The following TUFM variants were observed in gnomAD, a reference collection of about 807,000 sequenced individuals.
The protein encoded by TUFM is elongation factor Tu, mitochondrial.
Under a neutral mutation model 45.0 loss-of-function variants are expected in TUFM, and 23 were observed. That is an observed-to-expected ratio of 0.51 (90% CI 0.37 to 0.72). The LOEUF (loss-of-function observed/expected upper bound fraction) is 0.72, where lower values mean the gene tolerates loss of function less well. Among genes scored for constraint, TUFM ranks in the 30% least tolerant of loss-of-function variants. The pLI, the probability that TUFM is intolerant of heterozygous loss-of-function variation, is 0.00. For synonymous variants in TUFM, 243 were observed against 252.9 expected (o/e 0.96, Z 0.37); for missense variants, 490 against 610.7 (o/e 0.80, Z 2.08).
Position 28,842,966 on chromosome 16 carries a change from T to C in TUFM, c.*9A>G. 6.2e-7 allele frequency: 1 copy of C among 1,614,030 alleles called. No homozygotes were observed. The highest frequency in any genetic ancestry group is 1.3e-5 in the African/African-American group (1 of 75,048). On this transcript the variant is annotated 3_prime_UTR_variant, in exon 10 of 10. Coordinates refer to ENST00000313511, the MANE Select transcript of TUFM (RefSeq NM_003321.5). ...AAACGCAAGGGAAGCTGAGCAGAGA[T>C]CTGCACACTCAACCCCATTTGATAT...
In TUFM at chr16:28,846,325, G is replaced by T; in HGVS notation, c.-56C>A. On this transcript the variant is annotated 5_prime_UTR_variant, in exon 1 of 10. Transcript: ENST00000313511. ...CCAGGAGCCCGAGCGCACAGAAGAA[G>T]AAGGGCGCCTGCGGCTGGAAGGCAC... is the stretch of plus-strand genomic sequence containing the variant. The T allele has an allele frequency of 6.5e-7, 1 of 1,528,316 alleles. No individual in the cohort carries two copies. Among genetic ancestry groups the T allele is most frequent in the South Asian group, 1.2e-5 (1 of 83,350 alleles). 94.7% of individuals were successfully genotyped at this position (1,528,316 alleles called of 1,614,324 possible).
intron 3 of TUFM, 88 bp downstream of exon 3, chr16:28,845,226 A>G (rs1961909483): frequency 6.2e-7 from 1 of 1,606,562 alleles, no homozygotes; most frequent in East Asian, 2.2e-5. Flanking sequence ...CAAACACTGA[A>G]TATCTTAATC....
At position 28,844,189 on chromosome 16, in the gene TUFM, C is replaced by A. The variant is rs985902978; in HGVS notation, c.922+41G>T. On this transcript the variant is annotated intron_variant, in intron 7 of 9. Transcript: ENST00000313511. The surrounding 1 kb of genome is among the most constrained non-coding windows in gnomAD (Gnocchi z 5.8). ...CAAGGGATCTGCCGGGGTAAGGCCA[C>A]CCTTCAGCCAGGCCCTGCTCTCCAG... 2 of 1,613,616 alleles carry A rather than the reference C, an allele frequency of 1.2e-6. No individual in the cohort carries two copies. The highest frequency in any genetic ancestry group is 1.7e-6 in the Non-Finnish European group (2 of 1,179,518).
In TUFM at chr16:28,844,276, C is replaced by T. The variant is rs1596602277; in HGVS notation, c.876G>A (p.Glu292=). Residue 292 remains glutamate (E), a synonymous_variant, in exon 7 of 10, where the codon GAG becomes GAA. Coordinates refer to ENST00000313511, the MANE Select transcript of TUFM (RefSeq NM_003321.5). This position sits in a 1 kb window ranked among gnomAD's most constrained non-coding sequence, Gnocchi z 5.8. Reference sequence around the variant, plus strand: ...TCTTGCTATGTCCTAGGAGCTCACACTCGTCTCCCTTCTTTAAAATGCCAC... The same window carrying T: ...TCTTGCTATGTCCTAGGAGCTCACATTCGTCTCCCTTCTTTAAAATGCCAC... The part of the protein sequence containing the change: ...LERGILKKGD[E]CELLGHSKNI... The T allele has an allele frequency of 1.9e-6, 3 of 1,614,228 alleles. No homozygotes were observed. The highest frequency in any genetic ancestry group is 1.3e-5 in the African/African-American group (1 of 75,062).
rs987649099 is a variant in TUFM, at chr16:28,843,228, T to TA, written c.1195-81dup. On this transcript the variant is annotated intron_variant, in intron 9 of 9. Transcript: ENST00000313511. Reference sequence around the variant, plus strand: ...AGTCTTTTTTGGCTACCTCGGAGGTTAAGAGTCATGGGAGAATGCAGCAGG... The same window carrying TA: ...AGTCTTTTTTGGCTACCTCGGAGGTTAAAGAGTCATGGGAGAATGCAGCAGG... 6.1e-6 allele frequency: 9 copies of TA among 1,471,390 alleles called. No homozygotes were observed. In the African/African-American group the frequency reaches 1.3e-4, roughly 20 times the overall value. 91.1% of individuals were successfully genotyped at this position (1,471,390 alleles called of 1,614,324 possible). A position where few individuals can be genotyped will look rare whatever the true frequency, so the allele number is the denominator to read the frequency against.
At chr16:28,845,785 T>C in intron 2 of TUFM, 127 bp downstream of exon 2, 3 of 1,187,646 alleles carry the variant, frequency 2.5e-6, no homozygotes, top group Non-Finnish European at 3.6e-6. Context: ...CCAATCCACC[T>C]GTCGCACAAA....
intron 2 of TUFM, 102 bp downstream of exon 2, chr16:28,845,810 G>T: frequency 1.4e-6 from 2 of 1,458,474 alleles, no homozygotes; most frequent in South Asian, 2.3e-5. Flanking sequence ...GGCTCTTGGG[G>T]CCACAGTAAA....
Position 28,844,981 on chromosome 16 carries a change from C to T in TUFM, c.489G>A (p.Gln163=). The T allele has an allele frequency of 6.2e-7, 1 of 1,614,160 alleles. No homozygotes were observed. Among genetic ancestry groups the T allele is most frequent in the South Asian group, 1.1e-5 (1 of 91,072 alleles). The change falls in exon 4 of 10, where the codon CAG becomes CAA. Residue 163 remains glutamine (Q), a synonymous_variant. Transcript: ENST00000313511. This position sits in a 1 kb window ranked among gnomAD's most constrained non-coding sequence, Gnocchi z 5.8. The part of the protein sequence containing the change: ...VVAANDGPMP[Q]TREHLLLARQ... ...TGGCCAGTAATAAGTGCTCTCGGGT[C>T]TGGGGCATGGGGCCGTCATTGGCTG...
Position 28,842,763 on chromosome 16 carries a change from G to C in TUFM, c.*212C>G, listed in dbSNP as rs1283223663. The C allele has an allele frequency of 6.2e-6, 4 of 648,452 alleles. No individual in the cohort carries two copies. The highest frequency in any genetic ancestry group is 3.6e-5 in the African/African-American group (2 of 55,580). The allele number at this position is 648,452 out of a possible 1,614,324, so 40.2% of individuals were successfully genotyped here. A position where few individuals can be genotyped will look rare whatever the true frequency, so the allele number is the denominator to read the frequency against. On this transcript the variant is annotated 3_prime_UTR_variant, in exon 10 of 10. Coordinates refer to ENST00000313511, the MANE Select transcript of TUFM (RefSeq NM_003321.5). ...TGTCCTCCCCTATCCTCTCCAATTT[G>C]CACAAAGGACACAGGACACAGGCTG...
chr16:28,844,607 C>A lies in TUFM; in HGVS notation c.685-56G>T. On this transcript the variant is annotated intron_variant, in intron 5 of 9. Coordinates refer to ENST00000313511, the MANE Select transcript of TUFM (RefSeq NM_003321.5). This position sits in a 1 kb window ranked among gnomAD's most constrained non-coding sequence, Gnocchi z 5.8. ...TCCCCATTCTACTTCCCTCGATTAT[C>A]AAGAGCCACTTCCCAGACACAAAGC... 6.2e-7 allele frequency: 1 copy of A among 1,613,382 alleles called. No individual in the cohort carries two copies. Among genetic ancestry groups the A allele is most frequent in the South Asian group, 1.1e-5 (1 of 91,068 alleles).
chr16:28,843,295 G>C (rs1247516322), intron 9 of TUFM, 147 bp from the exon 10 acceptor site: 1 of 831,592 alleles, frequency 1.2e-6, no homozygotes, highest in African/African-American at 1.7e-5. Context: ...ATCCCAGGCT[G>C]TCAGGCAGAT....
Position 28,844,882 on chromosome 16 carries a change from A to C in TUFM, c.520-20T>G. ...CCCAATCTGTAGATGCCAGAGAGAC[A>C]GGGACAATATACAGAGGGGCCCAAC... On this transcript the variant is annotated intron_variant, in intron 4 of 9. Transcript: ENST00000313511. This position sits in a 1 kb window ranked among gnomAD's most constrained non-coding sequence, Gnocchi z 5.8. The C allele has an allele frequency of 6.2e-7, 1 of 1,614,186 alleles. No homozygotes were observed. The highest frequency in any genetic ancestry group is 8.5e-7 in the Non-Finnish European group (1 of 1,180,036).
At chr16:28,843,369 T>C (rs1961849552) in intron 9 of TUFM, among the ~76,000 whole-genome samples, 1 of 152,116 alleles carries the variant, frequency 6.6e-6, no homozygotes, top group Admixed American at 6.6e-5. Flanking sequence ...CTAAGGTATG[T>C]TCTTGAGAAA....
At position 28,842,920 on chromosome 16, in the gene TUFM, G is replaced by A. The variant is rs927691785; in HGVS notation, c.*55C>T. ...GAGAGGGTACTGGAAGCAGGAGGGAGCCCTGGCTAGGGCAGGCCTTAAACG... is the reference window on the plus strand; with the variant it reads ...GAGAGGGTACTGGAAGCAGGAGGGAACCCTGGCTAGGGCAGGCCTTAAACG... On this transcript the variant is annotated 3_prime_UTR_variant, in exon 10 of 10. Transcript: ENST00000313511. 8 of 1,606,586 alleles carry A rather than the reference G, an allele frequency of 5.0e-6. No homozygotes were observed. The Admixed American group carries it at 8.3e-5, about 17-fold the overall frequency.
chr16:28,845,650 T>C (rs1247376669), intron 2 of TUFM, among the ~76,000 whole-genome samples, 170 bp from the exon 3 acceptor site: 1 of 152,216 alleles, frequency 6.6e-6, no homozygotes, highest in African/African-American at 2.4e-5. Flanking sequence ...CTTAAGGGTC[T>C]GCCCTGTGAC....
rs763516669 is a variant in TUFM at position 28,845,977 on chromosome 16, A to C, written c.182T>G (p.Val61Gly). The change falls in exon 2 of 10, where the codon GTG becomes GGG. Residue 61 changes from valine (V) to glycine (G), a missense_variant. Transcript: ENST00000313511. ...CACATGGCCGATGGTACCCACATTCACATGTGGCTTGTCGCGCACGTAAGT... is the reference window on the plus strand; with the variant it reads ...CACATGGCCGATGGTACCCACATTCCCATGTGGCTTGTCGCGCACGTAAGT... ...KKTYVRDKPH[V>G]NVGTIGHVDH... The C allele has an allele frequency of 1.2e-6, 2 of 1,614,056 alleles. No homozygotes were observed. Among genetic ancestry groups the C allele is most frequent in the South Asian group, 2.2e-5 (2 of 91,086 alleles).
Position 28,844,892 on chromosome 16 carries a change from T to G in TUFM, c.520-30A>C. On this transcript the variant is annotated intron_variant, in intron 4 of 9. Coordinates refer to ENST00000313511, the MANE Select transcript of TUFM (RefSeq NM_003321.5). The surrounding 1 kb of genome is among the most constrained non-coding windows in gnomAD (Gnocchi z 5.8). ...AGATGCCAGAGAGACAGGGACAATA[T>G]ACAGAGGGGCCCAACTCCCCACTCT... is the stretch of plus-strand genomic sequence containing the variant. The G allele has an allele frequency of 6.2e-7, 1 of 1,614,020 alleles. No homozygotes were observed. The highest frequency in any genetic ancestry group is 8.5e-7 in the Non-Finnish European group (1 of 1,180,006).
Position 28,844,423 on chromosome 16 carries a change from G to A in TUFM, c.813C>T (p.Val271=). The A allele has an allele frequency of 6.2e-7, 1 of 1,614,188 alleles. No homozygotes were observed. Among genetic ancestry groups the A allele is most frequent in the Non-Finnish European group, 8.5e-7 (1 of 1,180,040 alleles). The change falls in exon 6 of 10, where the codon GTC becomes GTT. Residue 271 remains valine, a synonymous_variant. Transcript: ENST00000313511. This position sits in a 1 kb window ranked among gnomAD's most constrained non-coding sequence, Gnocchi z 5.8. ...FLLPVEAVYS[V]PGRGTVVTGT... ...GGGAACAGACAGAGTCCTCACCAGG[G>A]ACGGAGTACACCGCCTCCACAGGCA...
chr16:28,843,669 CTA>C (rs777918056), intron 9 of TUFM, 65 bp downstream of exon 9: 9 of 1,605,620 alleles, frequency 5.6e-6, no homozygotes, highest in Non-Finnish European at 7.7e-6. Flanking sequence ...ATCTTTGGAA[CTA>C]TGAGTGAAGC....
Sources: gnomAD v4.1 joint callset for allele counts (sites outside exome capture counted in the v4.1 genomes callset) on GRCh38, gnomAD v4.1.1 for gene constraint, Gnocchi (gnomAD v3.1) non-coding constraint, MANE v1.5 for transcripts, NCBI Gene and HGNC (gene_info 2026-07-23, HGNC 2026-07-21) for gene names.